The following UGGT2 variants were observed in gnomAD, a reference collection of about 807,000 sequenced individuals.
UGGT2 encodes UDP-glucose:glycoprotein glucosyltransferase 2.
A neutral mutation model predicts 192.1 loss-of-function variants in UGGT2; 180 were observed. That is an observed-to-expected ratio of 0.94 (90% CI 0.83 to 1.06). The LOEUF (loss-of-function observed/expected upper bound fraction) is 1.06. Ranked by LOEUF, UGGT2 falls within the 50% of genes least tolerant of loss-of-function variation. The probability of loss-of-function intolerance (pLI) is 0.00; values close to 1 mark genes in which losing one functional copy is unlikely to be tolerated. For missense variants in UGGT2, 1,849 were observed against 1,795.7 expected (o/e 1.03, Z -0.54); for synonymous variants, 580 against 591.0 (o/e 0.98, Z 0.27).
chr13:95,887,860 T>C (rs1262908903), intron 26 of UGGT2, 32 bp downstream of exon 26: 1 of 1,391,744 alleles, frequency 7.2e-7, no homozygotes, highest in East Asian at 2.3e-5. Flanking sequence ...TTACAAATTT[T>C]TCAAAATGAA....
chr13:95,984,389 C>T (rs2051225677), intron 9 of UGGT2, among the ~76,000 whole-genome samples: 1 of 152,132 alleles, frequency 6.6e-6, no homozygotes, highest in South Asian at 2.1e-4. Context: ...ACTGCAGTGG[C>T]ATGATCACAA....
At chr13:95,808,136 C>A (rs1392138534) in intron 38 of UGGT2, among the ~76,000 whole-genome samples, 1 of 152,138 alleles carries the variant, frequency 6.6e-6, no homozygotes, top group Non-Finnish European at 1.5e-5. Flanking sequence ...CAGTCCCTTA[C>A]AGGCAACATA....
At chr13:95,870,574 G>A (rs1267951065) in intron 29 of UGGT2, among the ~76,000 whole-genome samples, 1 of 152,164 alleles carries the variant, frequency 6.6e-6, no homozygotes, top group Non-Finnish European at 1.5e-5. Flanking sequence ...TTCTGATGAT[G>A]GGAAAGTAGC....
intron 12 of UGGT2, among the ~76,000 whole-genome samples, chr13:95,958,104 A>G (rs950212951): frequency 6.6e-6 from 1 of 152,154 alleles, no homozygotes; most frequent in Admixed American, 6.6e-5. Flanking sequence ...TGTTCAGGGA[A>G]TATGGCGTTT....
intron 1 of UGGT2, among the ~76,000 whole-genome samples, chr13:96,037,044 T>A (rs1377469784): frequency 6.6e-6 from 1 of 152,214 alleles, no homozygotes; most frequent in Non-Finnish European, 1.5e-5. Context: ...GAGAAAACAG[T>A]TATTTCTACA....
intron 15 of UGGT2, 21 bp from the exon 16 acceptor site, chr13:95,940,112 TAA>T (rs2049615344): frequency 1.4e-6 from 2 of 1,413,446 alleles, no homozygotes; most frequent in Non-Finnish European, 1.9e-6. Flanking sequence ...TTAGATATTA[TAA>T]TTAATTTTCT....
chr13:96,019,119 T>C (rs558096544), intron 4 of UGGT2, among the ~76,000 whole-genome samples: 872 of 3,702 alleles, frequency 0.24, 19 homozygotes, highest in African/African-American at 0.41. Flanking sequence ...TTGCCCTACA[T>C]AGCGGGGGGG....
Position 95,978,784 on chromosome 13 carries a change from T to C in UGGT2, c.1092+5020A>G, listed in dbSNP as rs554240917. On this transcript the variant is annotated intron_variant, in intron 10 of 38. Coordinates refer to ENST00000376747, the MANE Select transcript of UGGT2 (RefSeq NM_020121.4). ...TCAGATATAAATCTTAATAGAAATG[T>C]TGTCATTTTCAGAATAAGGAATAAG... 1.7e-4 allele frequency among the ~76,000 whole-genome samples: 26 copies of C among 152,290 alleles called. No homozygotes were observed. The South Asian group carries it at 4.1e-3, about 24-fold the overall frequency.
intron 12 of UGGT2, among the ~76,000 whole-genome samples, chr13:95,968,789 T>C (rs1594467086): frequency 6.6e-6 from 1 of 152,144 alleles, no homozygotes; most frequent in Admixed American, 6.5e-5. Context: ...CATGGCCTAA[T>C]ACATGTGCTA....
At chr13:95,928,292 A>C (rs56322430) in intron 17 of UGGT2, among the ~76,000 whole-genome samples, 1 of 149,882 alleles carries the variant, frequency 6.7e-6, no homozygotes, top group Non-Finnish European at 1.5e-5. Flanking sequence ...CTGGCCGGGC[A>C]GGGGCTGCCC....
chr13:95,978,956 G>A (rs1004641208), intron 10 of UGGT2, among the ~76,000 whole-genome samples: 5 of 152,142 alleles, frequency 3.3e-5, no homozygotes, highest in African/African-American at 9.7e-5. Flanking sequence ...ATTTGGGTAA[G>A]GTGCAATCCT....
chr13:96,002,163 G>A (rs771039100), intron 5 of UGGT2, among the ~76,000 whole-genome samples: 1 of 152,040 alleles, frequency 6.6e-6, no homozygotes, highest in South Asian at 2.1e-4. Context: ...TCCCACTCCC[G>A]TTCCTATTCT....
chr13:95,922,713 C>T (rs2048885348), intron 20 of UGGT2, among the ~76,000 whole-genome samples: 1 of 151,828 alleles, frequency 6.6e-6, no homozygotes. Context: ...TCCCAAGCTG[C>T]CCAGGAGGCT....
intron 38 of UGGT2, among the ~76,000 whole-genome samples, chr13:95,826,836 A>C (rs541291152): frequency 1.1e-4 from 17 of 152,210 alleles, no homozygotes; most frequent in African/African-American, 4.1e-4. Context: ...AATTTTCTGA[A>C]ACTAAGTTGA....
At chr13:95,918,400 A>G (rs1320616323) in intron 20 of UGGT2, among the ~76,000 whole-genome samples, 1 of 152,214 alleles carries the variant, frequency 6.6e-6, no homozygotes, top group African/African-American at 2.4e-5. Context: ...AAAAATTTAT[A>G]GCACTAAATG....
At chr13:95,880,181 G>A (rs929101035) in intron 27 of UGGT2, among the ~76,000 whole-genome samples, 1 of 151,980 alleles carries the variant, frequency 6.6e-6, no homozygotes, top group African/African-American at 2.4e-5. Context: ...TTTAAGAAAA[G>A]GCTAAGTTTA....
chr13:95,996,471 G>A (rs1272123738), intron 6 of UGGT2, among the ~76,000 whole-genome samples: 2 of 151,376 alleles, frequency 1.3e-5, no homozygotes, highest in Admixed American at 6.6e-5. Context: ...ACTCCAGCCT[G>A]GGTGACAGAG....
intron 14 of UGGT2, among the ~76,000 whole-genome samples, chr13:95,947,471 G>T (rs201599544): frequency 1.5e-4 from 14 of 95,838 alleles, no homozygotes; most frequent in Non-Finnish European, 2.0e-4. Flanking sequence ...TTTTTTTTGA[G>T]ACAAGAGTCT....
At chr13:95,864,132 T>C (rs1034327646) in intron 30 of UGGT2, among the ~76,000 whole-genome samples, 2 of 152,162 alleles carry the variant, frequency 1.3e-5, no homozygotes, top group Non-Finnish European at 2.9e-5. Context: ...GGTTCTTCTA[T>C]TGAGTATTTT....
Sources: allele counts gnomAD v4.1 joint callset (sites outside exome capture counted in the v4.1 genomes callset), GRCh38; gene constraint gnomAD v4.1.1; transcripts MANE v1.5; gene names NCBI Gene and HGNC (gene_info 2026-07-23, HGNC 2026-07-21).